ABLIM1: variants seen among roughly 807,000 people sequenced by gnomAD.
The protein encoded by ABLIM1 is actin-binding LIM protein 1.
Under a neutral mutation model 107.0 loss-of-function variants are expected in ABLIM1, and 40 were observed. That is an observed-to-expected ratio of 0.37 (90% CI 0.29 to 0.49). The LOEUF (loss-of-function observed/expected upper bound fraction) is 0.49, where lower values mean the gene tolerates loss of function less well. Ranked by LOEUF, ABLIM1 falls within the 20% of genes least tolerant of loss-of-function variation. The pLI is 0.97. For synonymous variants in ABLIM1, 357 were observed against 357.3 expected, an observed-to-expected ratio of 1.00 and a Z score of 0.01; for missense variants, 857 against 1,008.5, an observed-to-expected ratio of 0.85 and a Z score of 2.04.
chr10:114,578,088 A>C (rs1284651465), intron 2 of ABLIM1, among the ~76,000 whole-genome samples: 1 of 151,952 alleles, frequency 6.6e-6, no homozygotes, highest in Non-Finnish European at 1.5e-5. Flanking sequence ...TCCTCCCTCT[A>C]TGATGTAAGG....
chr10:114,765,932 A>C (rs1020421608), intron 1 of ABLIM1, among the ~76,000 whole-genome samples: 1 of 151,938 alleles, frequency 6.6e-6, no homozygotes, highest in Admixed American at 6.6e-5. Context: ...TATCAAGGCT[A>C]TTTCCTTTCA....
intron 5 of ABLIM1, 58 bp from the exon 6 acceptor site, chr10:114,545,156 C>T (rs2067159181): frequency 2.7e-6 from 4 of 1,472,958 alleles, no homozygotes; most frequent in Admixed American, 1.7e-5. Flanking sequence ...GGAGAAGACA[C>T]CAAAACCACA....
chr10:114,773,418 T>C, the ABLIM1 span, among the ~76,000 whole-genome samples: 2 of 152,236 alleles, frequency 1.3e-5, no homozygotes, highest in East Asian at 3.9e-4. Flanking sequence ...CCTATAATTG[T>C]TCATTTAAAA....
At chr10:114,729,488 C>T (rs2142135098) in intron 1 of ABLIM1, among the ~76,000 whole-genome samples, 1 of 152,142 alleles carries the variant, frequency 6.6e-6, no homozygotes, top group East Asian at 1.9e-4. Context: ...TTGCACAGTC[C>T]AATTCCCAAA....
At chr10:114,511,208 AC>A (rs2061813924) in intron 6 of ABLIM1, among the ~76,000 whole-genome samples, 1 of 152,092 alleles carries the variant, frequency 6.6e-6, no homozygotes, top group Admixed American at 6.5e-5. Context: ...AAACTAGTAT[AC>A]AAAAAATGTA....
chr10:114,705,423 A>G (rs1460845607), intron 1 of ABLIM1, among the ~76,000 whole-genome samples: 1 of 152,178 alleles, frequency 6.6e-6, no homozygotes. Context: ...GGGATAGGTC[A>G]CCAGTGGGCA....
chr10:114,492,207 C>T (rs2059103683), intron 6 of ABLIM1, among the ~76,000 whole-genome samples: 1 of 151,956 alleles, frequency 6.6e-6, no homozygotes, highest in Non-Finnish European at 1.5e-5. Context: ...CCCCAAAACC[C>T]CACCTTGTTG....
rs1170645275 is a variant in ABLIM1, at chr10:114,431,527, G to A, written c.*4733C>T. 6.6e-6 allele frequency: 1 copy of A among 152,174 alleles called. No homozygotes were observed. Among genetic ancestry groups the A allele is most frequent in the Admixed American group, 6.5e-5 (1 of 15,278 alleles). The allele number at this position is 152,174 out of a possible 1,614,324, so 9.4% of individuals were successfully genotyped here. On this transcript the variant is annotated 3_prime_UTR_variant, in exon 23 of 23. Transcript: ENST00000533213. ...AGGAACCACACACATGATTGGACAA[G>A]TCTGTACATAAAACCCCAAAAGAAC...
Position 114,435,159 on chromosome 10 carries a change from G to A in ABLIM1, c.*1101C>T, listed in dbSNP as rs779609213. 5 of 152,194 alleles carry A rather than the reference G, an allele frequency of 3.3e-5. No homozygotes were observed. The highest frequency in any genetic ancestry group is 7.2e-5 in the African/African-American group (3 of 41,448). 9.4% of individuals were successfully genotyped at this position (152,194 alleles called of 1,614,324 possible). ...AAGCTGAAAAGGCCAAATTAAATAC[G>A]TTCGAAGGAGTCTACTTTGGAGTTG... is the stretch of plus-strand genomic sequence containing the variant. On this transcript the variant is annotated 3_prime_UTR_variant, in exon 23 of 23. Transcript: ENST00000533213.
intron 1 of ABLIM1, among the ~76,000 whole-genome samples, chr10:114,742,983 CT>C (rs2082316082): frequency 6.6e-6 from 1 of 152,104 alleles, no homozygotes; most frequent in Non-Finnish European, 1.5e-5. Context: ...ATTAGTTAAT[CT>C]GTGTAAAAGT....
chr10:114,760,339 T>C (rs1281972661), intron 1 of ABLIM1, among the ~76,000 whole-genome samples: 5 of 151,976 alleles, frequency 3.3e-5, no homozygotes, highest in Admixed American at 3.3e-4. Context: ...ATCCCTTTTA[T>C]ATCTAACATA....
At chr10:114,470,056 C>T (rs1001857428) in intron 10 of ABLIM1, among the ~76,000 whole-genome samples, 3 of 152,164 alleles carry the variant, frequency 2.0e-5, no homozygotes, top group Non-Finnish European at 4.4e-5. Context: ...TGCACCTGCA[C>T]TGACAGCAAG....
intron 4 of ABLIM1, among the ~76,000 whole-genome samples, chr10:114,554,757 A>G (rs1679003253): frequency 6.6e-6 from 1 of 152,198 alleles, no homozygotes; most frequent in South Asian, 2.1e-4. Flanking sequence ...TAATAAAAGT[A>G]GCAATAGGGA....
intron 1 of ABLIM1, among the ~76,000 whole-genome samples, chr10:114,637,766 G>A (rs150732551): frequency 2.8e-4 from 42 of 152,304 alleles, no homozygotes; most frequent in African/African-American, 8.9e-4. Flanking sequence ...TAAGGATCTT[G>A]GGATAGTAAA....
chr10:114,568,407 A>T (rs1374596006), intron 4 of ABLIM1, among the ~76,000 whole-genome samples: 2 of 152,184 alleles, frequency 1.3e-5, no homozygotes, highest in African/African-American at 4.8e-5. Flanking sequence ...AACATTAAAA[A>T]TTTTTAAAAA....
intron 1 of ABLIM1, among the ~76,000 whole-genome samples, chr10:114,756,003 T>G (rs2082621323): frequency 6.6e-6 from 1 of 152,210 alleles, no homozygotes. Flanking sequence ...TTATTATACT[T>G]AATTATTTAA....
intron 1 of ABLIM1, among the ~76,000 whole-genome samples, chr10:114,717,991 A>AAAGG (rs3061776): frequency 0.29 from 24,910 of 86,460 alleles, 4,542 homozygotes; most frequent in Non-Finnish European, 0.35. Flanking sequence ...AGAAAGAAAG[A>AAAGG]AAGGAAGGAA....
chr10:114,463,622 G>T (rs2064440662), intron 12 of ABLIM1, among the ~76,000 whole-genome samples: 2 of 150,138 alleles, frequency 1.3e-5, no homozygotes, highest in Admixed American at 1.3e-4. Context: ...ATTTGATTTT[G>T]CCTACATAGA....
chr10:114,740,471 C>G (rs2082264663), intron 1 of ABLIM1, among the ~76,000 whole-genome samples: 1 of 151,800 alleles, frequency 6.6e-6, no homozygotes, highest in Non-Finnish European at 1.5e-5. Flanking sequence ...CTTTCTTACT[C>G]TACCGAGGAG....
Sources: gnomAD v4.1 joint callset for allele counts (sites outside exome capture counted in the v4.1 genomes callset) on GRCh38, gnomAD v4.1.1 for gene constraint, MANE v1.5 for transcripts, NCBI Gene and HGNC (gene_info 2026-07-23, HGNC 2026-07-21) for gene names.